The following PCDHGB4 variants were observed in gnomAD, a reference collection of about 807,000 sequenced individuals.
PCDHGB4 encodes the protein protocadherin gamma-B4.
In PCDHGB4, 38 loss-of-function variants were observed where a neutral mutation model predicts 60.5. The ratio of observed to expected loss-of-function variants is 0.63; its 90% CI spans 0.48 to 0.82. The LOEUF (loss-of-function observed/expected upper bound fraction) is 0.82. PCDHGB4 is among the 40% of genes least tolerant of loss of function. The pLI, the probability that PCDHGB4 is intolerant of heterozygous loss-of-function variation, is 0.00. For synonymous variants in PCDHGB4, 456 were observed against 509.7 expected (o/e 0.89, Z 1.42); for missense variants, 1,109 against 1,209.6 (o/e 0.92, Z 1.23).
chr5:141,412,559 GTTTA>G (rs2095563108), intron 1 of PCDHGB4: 1 of 152,224 alleles, frequency 6.6e-6, no homozygotes, highest in Admixed American at 6.5e-5. Flanking sequence ...TATCTCATGA[GTTTA>G]TTTAATATAA....
chr5:141,511,373 G>T lies in PCDHGB4; in HGVS notation c.*200G>T. On this transcript the variant is annotated 3_prime_UTR_variant, in exon 4 of 4. Transcript: ENST00000519479. ...CCCCCAGGGGGTTGAATATGCAAAA[G>T]CAGTTCCGCTGGGAACCCCCATCCA... 8.0e-7 allele frequency: 1 copy of T among 1,251,332 alleles called. No homozygotes were observed. The highest frequency in any genetic ancestry group is 1.6e-5 in the South Asian group (1 of 63,796). The allele number at this position is 1,251,332 out of a possible 1,614,324, so 77.5% of individuals were successfully genotyped here.
chr5:141,470,742 G>T (rs2099238719), intron 1 of PCDHGB4, among the ~76,000 whole-genome samples: 1 of 152,066 alleles, frequency 6.6e-6, no homozygotes, highest in African/African-American at 2.4e-5. Flanking sequence ...CTGTCGCCCT[G>T]GCTGGAGTGC....
chr5:141,429,488 T>TA (rs748742046), intron 1 of PCDHGB4, among the ~76,000 whole-genome samples: 13 of 152,096 alleles, frequency 8.5e-5, no homozygotes, highest in Non-Finnish European at 1.6e-4. Flanking sequence ...TAGCTGAGAC[T>TA]ACAGTTGCCT....
Position 141,415,576 on chromosome 5 carries a change from T to C in PCDHGB4, c.2397+25295T>C, listed in dbSNP as rs182127695. 9.5e-5 allele frequency: 153 copies of C among 1,614,182 alleles called. No individual in the cohort carries two copies. The Admixed American group carries it at 1.6e-3, about 17-fold the overall frequency. Reference sequence around the variant, plus strand: ...CGATCCTTTGTCTTTGTTAGATGATTCGAAGTTTCCTATAGAGGATACCCC... The same window carrying C: ...CGATCCTTTGTCTTTGTTAGATGATCCGAAGTTTCCTATAGAGGATACCCC... On this transcript the variant is annotated intron_variant, in intron 1 of 3. Transcript: ENST00000519479.
At chr5:141,409,883 C>G (rs530193346) in intron 1 of PCDHGB4, 2 of 1,612,988 alleles carry the variant, frequency 1.2e-6, no homozygotes, top group South Asian at 2.2e-5. Context: ...CAACGCACCG[C>G]GGGTGCTGTA....
At chr5:141,390,390 A>G (rs2092135147) in intron 1 of PCDHGB4, 109 bp downstream of exon 1, 4 of 1,406,748 alleles carry the variant, frequency 2.8e-6, no homozygotes, top group Middle Eastern at 3.7e-4. Flanking sequence ...GATGTCATGG[A>G]TCATTTTAGG....
intron 1 of PCDHGB4, chr5:141,419,710 C>T: frequency 6.2e-7 from 1 of 1,613,168 alleles, no homozygotes; most frequent in South Asian, 1.1e-5. Context: ...CCGGGCTCTT[C>T]AGCCTGGGGC....
rs1449605701 is a variant in PCDHGB4 at position 141,485,191 on chromosome 5, A to C, written c.2398-9616A>C. ...CGGCAGCAATGCTCCGCAAGGTGAG[A>C]AGCTGGACAGAAATCTGGCGGTGGG... is the stretch of plus-strand genomic sequence containing the variant. On this transcript the variant is annotated intron_variant, in intron 1 of 3. Coordinates refer to ENST00000519479, the MANE Select transcript of PCDHGB4 (RefSeq NM_003736.4). This position sits in a 1 kb window ranked among gnomAD's most constrained non-coding sequence, Gnocchi z 5.7. The C allele has an allele frequency of 6.2e-7, 1 of 1,613,836 alleles. No individual in the cohort carries two copies. The highest frequency in any genetic ancestry group is 1.3e-5 in the African/African-American group (1 of 75,042).
chr5:141,422,492 C>G (rs747903569), intron 1 of PCDHGB4: 10 of 1,613,934 alleles, frequency 6.2e-6, no homozygotes, highest in Non-Finnish European at 8.5e-6. Flanking sequence ...TACAATATAA[C>G]GTTGACAGCC....
chr5:141,451,740 G>A (rs370710201), intron 1 of PCDHGB4, among the ~76,000 whole-genome samples: 1 of 152,108 alleles, frequency 6.6e-6, no homozygotes, highest in Non-Finnish European at 1.5e-5. Context: ...AAATTAGCTG[G>A]TCTGGTGGTG....
intron 1 of PCDHGB4, among the ~76,000 whole-genome samples, chr5:141,400,891 A>G (rs1266926061): frequency 6.6e-6 from 1 of 152,222 alleles, no homozygotes; most frequent in African/African-American, 2.4e-5. Context: ...GTATGTAATC[A>G]TTTAATTCAT....
In PCDHGB4 at chr5:141,432,446, C is replaced by T. The variant is rs765059815; in HGVS notation, c.2397+42165C>T. The T allele has an allele frequency of 1.2e-6, 2 of 1,614,256 alleles. No individual in the cohort carries two copies. Among genetic ancestry groups the T allele is most frequent in the Non-Finnish European group, 8.5e-7 (1 of 1,180,052 alleles). On this transcript the variant is annotated intron_variant, in intron 1 of 3. Transcript: ENST00000519479. The surrounding 1 kb of genome is among the most constrained non-coding windows in gnomAD (Gnocchi z 6.0). ...CCAGAACGACAATGCGCCCGAGATC[C>T]TGTACCCCGCCCTCCCCACGGACGG...
chr5:141,414,526 G>T, intron 1 of PCDHGB4: 1 of 1,613,912 alleles, frequency 6.2e-7, no homozygotes, highest in Non-Finnish European at 8.5e-7. Flanking sequence ...AGATATCAAT[G>T]ACAACCCACC....
Position 141,489,897 on chromosome 5 carries a change from C to G in PCDHGB4, c.2398-4910C>G. ...TGCTTACTGCTGTGGATGGGGGGAC[C>G]CCAGCCCGCTCAGGGACCACCCTTA... is the stretch of plus-strand genomic sequence containing the variant. On this transcript the variant is annotated intron_variant, in intron 1 of 3. Transcript: ENST00000519479. This position sits in a 1 kb window ranked among gnomAD's most constrained non-coding sequence, Gnocchi z 4.5. 1 of 1,614,162 alleles carries G rather than the reference C, an allele frequency of 6.2e-7. No individual in the cohort carries two copies. Among genetic ancestry groups the G allele is most frequent in the Non-Finnish European group, 8.5e-7 (1 of 1,180,016 alleles).
At chr5:141,408,588 A>G in intron 1 of PCDHGB4, 1 of 1,614,042 alleles carries the variant, frequency 6.2e-7, no homozygotes, top group Non-Finnish European at 8.5e-7. Context: ...GTTAATGACC[A>G]CGCCCCTCAA....
chr5:141,491,131 G>A lies in PCDHGB4; in HGVS notation c.2398-3676G>A. 1 of 1,614,182 alleles carries A rather than the reference G, an allele frequency of 6.2e-7. No individual in the cohort carries two copies. Among genetic ancestry groups the A allele is most frequent in the Non-Finnish European group, 8.5e-7 (1 of 1,180,008 alleles). ...TACACACACTGGTGAGGTGCGCACA[G>A]CCCGGGCCTTACTGGAGGATGACTC... On this transcript the variant is annotated intron_variant, in intron 1 of 3. Coordinates refer to ENST00000519479, the MANE Select transcript of PCDHGB4 (RefSeq NM_003736.4). This position sits in a 1 kb window ranked among gnomAD's most constrained non-coding sequence, Gnocchi z 6.9.
rs1561629846 is a variant in PCDHGB4 at position 141,390,024 on chromosome 5, CG to C, written c.2141del (p.Arg714HisfsTer52). ...GATTCTGGCCATTGCCTTGCGCCTG[CG>C]ACGCTCCTCCAGCCCCGCCTCCTGG... ...AMILAIALRL[R>X]RSSSPASWSC... is the part of the protein sequence containing the mutation. On this transcript the variant is annotated frameshift_variant, in exon 1 of 4. Coordinates refer to ENST00000519479, the MANE Select transcript of PCDHGB4 (RefSeq NM_003736.4). LOFTEE classifies it high-confidence loss of function. 6.2e-7 allele frequency: 1 copy of C among 1,614,044 alleles called. No individual in the cohort carries two copies. The highest frequency in any genetic ancestry group is 1.3e-5 in the African/African-American group (1 of 75,058).
intron 1 of PCDHGB4, among the ~76,000 whole-genome samples, chr5:141,445,007 G>A (rs771023003): frequency 1.5e-4 from 23 of 151,994 alleles, no homozygotes; most frequent in Non-Finnish European, 2.4e-4. Flanking sequence ...ATTTAATTAG[G>A]TCTTTAATTT....
At chr5:141,413,561 A>G in intron 1 of PCDHGB4, 1 of 1,613,924 alleles carries the variant, frequency 6.2e-7, no homozygotes. Flanking sequence ...GAAGTAACTG[A>G]TATCAATGAC....
Sources: gnomAD v4.1 joint callset for allele counts (sites outside exome capture counted in the v4.1 genomes callset) on GRCh38, gnomAD v4.1.1 for gene constraint, Gnocchi (gnomAD v3.1) non-coding constraint, MANE v1.5 for transcripts, NCBI Gene and HGNC (gene_info 2026-07-23, HGNC 2026-07-21) for gene names.